Variants in ATRNL1 observed in about 807,000 individuals in gnomAD.
ATRNL1 encodes the protein attractin-like protein 1.
ATRNL1 carries 95 observed loss-of-function variants against 182.7 expected under a neutral mutation model. That is an observed-to-expected ratio of 0.52 (90% CI 0.44 to 0.62). The LOEUF (loss-of-function observed/expected upper bound fraction) is 0.62. ATRNL1 is among the 20% of genes least tolerant of loss of function. ATRNL1 has a pLI of 0.00. For missense variants in ATRNL1, 1,471 were observed against 1,679.5 expected (o/e 0.88, Z 2.17); for synonymous variants, 576 against 568.3 (o/e 1.01, Z -0.19).
At chr10:115,582,811 G>A (rs1855217593) in intron 26 of ATRNL1, among the ~76,000 whole-genome samples, 1 of 150,926 alleles carries the variant, frequency 6.6e-6, no homozygotes, top group Non-Finnish European at 1.5e-5. Flanking sequence ...TAGACATGAA[G>A]TCCTTGCCCA....
intron 24 of ATRNL1, among the ~76,000 whole-genome samples, chr10:115,500,316 G>A (rs1554979773): frequency 6.6e-6 from 1 of 152,138 alleles, no homozygotes; most frequent in African/African-American, 2.4e-5. Context: ...AAAACAAATT[G>A]AAAACATTAG....
chr10:115,518,602 A>G (rs542919834), intron 24 of ATRNL1, among the ~76,000 whole-genome samples: 1 of 152,040 alleles, frequency 6.6e-6, no homozygotes, highest in Non-Finnish European at 1.5e-5. Context: ...TGAGAAATAG[A>G]CTAGTTTTTC....
At chr10:115,672,361 TTA>T (rs1276165714) in intron 26 of ATRNL1, among the ~76,000 whole-genome samples, 2 of 152,158 alleles carry the variant, frequency 1.3e-5, no homozygotes, top group African/African-American at 4.8e-5. Context: ...TTTTTCCAAC[TTA>T]TTGTATTCCT....
intron 16 of ATRNL1, 122 bp from the exon 17 acceptor site, chr10:115,301,733 T>C: frequency 4.1e-6 from 3 of 733,388 alleles, no homozygotes; most frequent in South Asian, 3.4e-5. Flanking sequence ...TACCTCATCA[T>C]ATTATAATGC....
intron 28 of ATRNL1, among the ~76,000 whole-genome samples, chr10:115,911,451 G>A (rs879954528): frequency 6.6e-6 from 1 of 152,118 alleles, no homozygotes; most frequent in Non-Finnish European, 1.5e-5. Flanking sequence ...CCGAGCAGCT[G>A]GGATTACAGG....
intron 28 of ATRNL1, among the ~76,000 whole-genome samples, chr10:115,925,474 A>G (rs1953199339): frequency 6.6e-6 from 1 of 152,182 alleles, no homozygotes; most frequent in African/African-American, 2.4e-5. Flanking sequence ...TAAATTGGAT[A>G]AAGAGTCAAG....
chr10:115,127,971 T>C (rs1304808533), intron 4 of ATRNL1, among the ~76,000 whole-genome samples: 2 of 152,162 alleles, frequency 1.3e-5, no homozygotes, highest in Non-Finnish European at 2.9e-5. Context: ...GGCAAGTGAT[T>C]AAGTAAACAA....
At chr10:115,336,110 A>G (rs1370689819) in intron 19 of ATRNL1, among the ~76,000 whole-genome samples, 1 of 152,184 alleles carries the variant, frequency 6.6e-6, no homozygotes, top group Non-Finnish European at 1.5e-5. Flanking sequence ...TTTGATCCTC[A>G]TTTTACATGT....
chr10:115,225,481 T>C (rs985218301), intron 9 of ATRNL1, among the ~76,000 whole-genome samples: 7 of 147,262 alleles, frequency 4.8e-5, no homozygotes, highest in Non-Finnish European at 9.0e-5. Flanking sequence ...CAGATTAATA[T>C]AATATAATAT....
At chr10:115,365,266 G>T (rs1383899263) in intron 19 of ATRNL1, among the ~76,000 whole-genome samples, 1 of 152,104 alleles carries the variant, frequency 6.6e-6, no homozygotes, top group Non-Finnish European at 1.5e-5. Flanking sequence ...TATGTATCGA[G>T]GAATTTATCC....
At chr10:115,619,114 C>T (rs753233353) in intron 26 of ATRNL1, among the ~76,000 whole-genome samples, 7 of 152,196 alleles carry the variant, frequency 4.6e-5, no homozygotes, top group African/African-American at 7.2e-5. Context: ...GTGTTCCTCA[C>T]GGTTTAGGTT....
intron 5 of ATRNL1, among the ~76,000 whole-genome samples, chr10:115,153,852 A>G (rs1473782789): frequency 6.6e-6 from 1 of 152,068 alleles, no homozygotes; most frequent in Non-Finnish European, 1.5e-5. Flanking sequence ...TGTTGTGGGC[A>G]TTTAGTGCTA....
chr10:115,171,080 G>A lies in ATRNL1; in HGVS notation c.1136G>A (p.Gly379Asp). 6.3e-7 allele frequency: 1 copy of A among 1,581,836 alleles called. No individual in the cohort carries two copies. Among genetic ancestry groups the A allele is most frequent in the Non-Finnish European group, 8.6e-7 (1 of 1,161,496 alleles). Residue 379 changes from glycine (G) to aspartate (D), a missense_variant, in exon 8 of 29, where the codon GGC becomes GAC. Coordinates refer to ENST00000355044, the MANE Select transcript of ATRNL1 (RefSeq NM_207303.4). ...MYGGRIETND[G>D]NVTDELWVFN... ...GGAGGCAGAATTGAAACAAATGATG[G>A]CAATGTCACAGATGAATTATGGGTT...
At position 115,825,944 on chromosome 10, in the gene ATRNL1, C is replaced by CTGAA. The variant is rs565409432; in HGVS notation, c.3904-21922_3904-21919dup. On this transcript the variant is annotated intron_variant, in intron 27 of 28. Coordinates refer to ENST00000355044, the MANE Select transcript of ATRNL1 (RefSeq NM_207303.4). ...CAGTGCCTAGCGCAATGGTGCACTG[C>CTGAA]TGAATGAATGAATGCTGTAAATAGA... 9.0e-3 allele frequency among the ~76,000 whole-genome samples: 1,371 copies of CTGAA among 152,194 alleles called. 8 individuals carry two copies. The highest frequency in any genetic ancestry group is 0.017 in the Middle Eastern group (5 of 294).
intron 26 of ATRNL1, among the ~76,000 whole-genome samples, chr10:115,696,690 C>G (rs1484104337): frequency 6.6e-6 from 1 of 151,986 alleles, no homozygotes; most frequent in Non-Finnish European, 1.5e-5. Context: ...TTTTGACTTT[C>G]TAATAATAGC....
intron 19 of ATRNL1, among the ~76,000 whole-genome samples, chr10:115,376,979 A>G (rs1440964077): frequency 1.3e-5 from 2 of 151,978 alleles, no homozygotes; most frequent in African/African-American, 4.8e-5. Context: ...TTTCTTGTGT[A>G]TGATTGAGTC....
intron 28 of ATRNL1, among the ~76,000 whole-genome samples, chr10:115,858,487 A>G (rs542420338): frequency 6.6e-6 from 1 of 152,308 alleles, no homozygotes; most frequent in East Asian, 1.9e-4. Flanking sequence ...GGAGCTGAAC[A>G]ATGAGAACAC....
At chr10:115,348,955 G>T (rs1462155617) in intron 19 of ATRNL1, among the ~76,000 whole-genome samples, 1 of 152,128 alleles carries the variant, frequency 6.6e-6, no homozygotes, top group Non-Finnish European at 1.5e-5. Flanking sequence ...ATTTCTTTGT[G>T]TTGTGAATGC....
At chr10:115,689,177 A>G (rs1768614713) in intron 26 of ATRNL1, among the ~76,000 whole-genome samples, 1 of 152,066 alleles carries the variant, frequency 6.6e-6, no homozygotes, top group Admixed American at 6.6e-5. Flanking sequence ...TTTTATACCA[A>G]TACCATGCTG....
Sources: gnomAD v4.1 joint callset for allele counts (sites outside exome capture counted in the v4.1 genomes callset) on GRCh38, gnomAD v4.1.1 for gene constraint, MANE v1.5 for transcripts, NCBI Gene and HGNC (gene_info 2026-07-23, HGNC 2026-07-21) for gene names.